The following GRAMD2A variants were observed in gnomAD, a reference collection of about 807,000 sequenced individuals.
GRAMD2A encodes GRAM domain-containing protein 2A.
A neutral mutation model predicts 51.1 loss-of-function variants in GRAMD2A; 37 were observed. The ratio of observed to expected loss-of-function variants is 0.72; its 90% CI spans 0.56 to 0.95. The LOEUF is 0.95. GRAMD2A is among the 40% of genes least tolerant of loss of function. GRAMD2A has a pLI of 0.00. For missense variants in GRAMD2A, 414 were observed against 426.9 expected, an observed-to-expected ratio of 0.97 and a Z score of 0.27; for synonymous variants, 136 against 157.1, an observed-to-expected ratio of 0.87 and a Z score of 1.01.
chr15:72,185,367 T>A (rs1392355039), intron 1 of GRAMD2A, among the ~76,000 whole-genome samples: 1 of 152,114 alleles, frequency 6.6e-6, no homozygotes, highest in Non-Finnish European at 1.5e-5. Context: ...CTAATTTTTG[T>A]ATTTTTAATA....
chr15:72,184,694 C>T (rs2081722981), intron 1 of GRAMD2A, among the ~76,000 whole-genome samples: 1 of 152,236 alleles, frequency 6.6e-6, no homozygotes, highest in African/African-American at 2.4e-5. Context: ...ACCTCCTCCT[C>T]CAGGGAGAAC....
intron 1 of GRAMD2A, among the ~76,000 whole-genome samples, chr15:72,178,568 CTTTTTTTTTTT>C (rs537075334): frequency 5.9e-5 from 5 of 84,200 alleles, no homozygotes; most frequent in Admixed American, 1.6e-4. Flanking sequence ...CTTGCACTTT[CTTTTTTTTTTT>C]TTTTTTTTTT....
At chr15:72,162,047 G>A in intron 11 of GRAMD2A, 35 bp from the exon 12 acceptor site, 1 of 1,613,860 alleles carries the variant, frequency 6.2e-7, no homozygotes, top group Non-Finnish European at 8.5e-7. Flanking sequence ...TCAGGGAAAG[G>A]GCCCAGAATG....
At chr15:72,176,423 G>A (rs2081653404) in intron 1 of GRAMD2A, 1 of 152,368 alleles carries the variant, frequency 6.6e-6, no homozygotes, top group African/African-American at 2.4e-5. Context: ...CTGACTTCTT[G>A]TGGACCCTGT....
intron 8 of GRAMD2A, among the ~76,000 whole-genome samples, chr15:72,164,820 G>A (rs2081523634): frequency 6.6e-6 from 1 of 152,194 alleles, no homozygotes; most frequent in African/African-American, 2.4e-5. Context: ...GTGTTTTGGT[G>A]CTTGGACTTC....
chr15:72,194,543 C>T (rs1042874996), intron 1 of GRAMD2A, among the ~76,000 whole-genome samples: 9 of 152,168 alleles, frequency 5.9e-5, no homozygotes, highest in African/African-American at 2.2e-4. Context: ...GTGAAGGTTC[C>T]TTAACAGAGT....
chr15:72,196,430 C>A (rs1449082036), intron 1 of GRAMD2A, among the ~76,000 whole-genome samples: 2 of 151,848 alleles, frequency 1.3e-5, no homozygotes, highest in Non-Finnish European at 2.9e-5. Context: ...GCAGGAGGAT[C>A]ACTTGAACCT....
chr15:72,190,994 T>C (rs1356342452), intron 1 of GRAMD2A, among the ~76,000 whole-genome samples: 2 of 152,190 alleles, frequency 1.3e-5, no homozygotes, highest in Non-Finnish European at 2.9e-5. Flanking sequence ...ATGGGACCAT[T>C]TGAGCATCAA....
chr15:72,168,399 A>G (rs2081571587), intron 4 of GRAMD2A, 92 bp downstream of exon 4: 10 of 885,464 alleles, frequency 1.1e-5, no homozygotes, highest in Admixed American at 1.8e-5. Context: ...GCCAGTTCCC[A>G]TTTCTAAGTC....
At chr15:72,179,026 A>T (rs1256690737) in intron 1 of GRAMD2A, among the ~76,000 whole-genome samples, 1 of 152,228 alleles carries the variant, frequency 6.6e-6, no homozygotes, top group Non-Finnish European at 1.5e-5. Flanking sequence ...GGTGAGGCTT[A>T]GTGAGTTGGG....
rs1235034898 is a variant in GRAMD2A at position 72,160,172 on chromosome 15, A to G, written c.*1837T>C. The G allele has an allele frequency of 1.3e-5, 2 of 151,990 alleles. No homozygotes were observed. The highest frequency in any genetic ancestry group is 4.8e-5 in the African/African-American group (2 of 41,352). 9.4% of individuals were successfully genotyped at this position (151,990 alleles called of 1,614,324 possible). ...AGTTCACCAGCATCTTGGCACATCC[A>G]CCTATAACTGGCACCTCTCATGGCC... On this transcript the variant is annotated 3_prime_UTR_variant, in exon 12 of 12. Coordinates refer to ENST00000309731, the MANE Select transcript of GRAMD2A (RefSeq NM_001012642.3).
chr15:72,178,616 C>T (rs1211722599), intron 1 of GRAMD2A, among the ~76,000 whole-genome samples: 1 of 137,240 alleles, frequency 7.3e-6, no homozygotes, highest in Non-Finnish European at 1.5e-5. Flanking sequence ...TGCTCTATCG[C>T]CCAGGCTGGA....
intron 4 of GRAMD2A, 47 bp from the exon 5 acceptor site, chr15:72,167,886 G>A (rs1214747446): frequency 7.3e-7 from 1 of 1,375,232 alleles, no homozygotes; most frequent in African/African-American, 1.4e-5. Context: ...GGTCAGCCCA[G>A]GAAGCCCCAG....
rs1239905063 is a variant in GRAMD2A at position 72,166,788 on chromosome 15, A to C, written c.472-85T>G. 5 of 1,201,870 alleles carry C rather than the reference A, an allele frequency of 4.2e-6. No individual in the cohort carries two copies. Among genetic ancestry groups the C allele is most frequent in the Non-Finnish European group, 4.9e-6 (4 of 813,972 alleles). The allele number at this position is 1,201,870 out of a possible 1,614,324, so 74.5% of individuals were successfully genotyped here. A position where few individuals can be genotyped will look rare whatever the true frequency, so the allele number is the denominator to read the frequency against. On this transcript the variant is annotated intron_variant, in intron 6 of 11. Transcript: ENST00000309731. The surrounding 1 kb of genome is among the most constrained non-coding windows in gnomAD (Gnocchi z 4.1). ...GCCAGCCCCCTTGTGGATTGGGCAC[A>C]GGCCCACAGGGGTATCAGGCCATGA...
chr15:72,169,165 A>C (rs919663628), intron 2 of GRAMD2A, 169 bp from the exon 3 acceptor site: 1 of 655,532 alleles, frequency 1.5e-6, no homozygotes, highest in African/African-American at 1.8e-5. Context: ...GCACACAGCT[A>C]AACTATACAG....
intron 1 of GRAMD2A, among the ~76,000 whole-genome samples, chr15:72,185,097 C>A (rs1418163256): frequency 6.6e-6 from 1 of 151,708 alleles, no homozygotes; most frequent in African/African-American, 2.4e-5. Context: ...TTGTAAAAAT[C>A]AATCGTTTTC....
chr15:72,186,598 C>T (rs1363719228), intron 1 of GRAMD2A, among the ~76,000 whole-genome samples: 4 of 152,176 alleles, frequency 2.6e-5, no homozygotes, highest in East Asian at 3.9e-4. Flanking sequence ...GCTGGGATTA[C>T]GGGCGTGAGC....
intron 1 of GRAMD2A, among the ~76,000 whole-genome samples, chr15:72,185,117 T>C (rs2081725742): frequency 6.6e-6 from 1 of 151,958 alleles, no homozygotes; most frequent in East Asian, 1.9e-4. Flanking sequence ...CCTGTAGACC[T>C]ACAATACAGT....
chr15:72,196,259 T>C (rs1198472316), intron 1 of GRAMD2A, among the ~76,000 whole-genome samples: 1 of 152,150 alleles, frequency 6.6e-6, no homozygotes, highest in Non-Finnish European at 1.5e-5. Context: ...GTAGTCCCTG[T>C]AATGCTAGCA....
Sources: gnomAD v4.1 joint callset for allele counts (sites outside exome capture counted in the v4.1 genomes callset) on GRCh38, gnomAD v4.1.1 for gene constraint, Gnocchi (gnomAD v3.1) non-coding constraint, MANE v1.5 for transcripts, NCBI Gene and HGNC (gene_info 2026-07-23, HGNC 2026-07-21) for gene names.